CYP3A43: variants seen among roughly 807,000 people sequenced by gnomAD.
CYP3A43 encodes the protein cytochrome P450 3A43.
A neutral mutation model predicts 58.0 loss-of-function variants in CYP3A43; 45 were observed. The observed-to-expected ratio is 0.78, with a 90% CI of 0.61 to 0.99. The LOEUF (loss-of-function observed/expected upper bound fraction) is 0.99. Ranked by LOEUF, CYP3A43 falls within the 50% of genes least tolerant of loss-of-function variation. The pLI is 0.00. For synonymous variants in CYP3A43, 191 were observed against 201.4 expected (o/e 0.95, Z 0.44); for missense variants, 593 against 591.9 (o/e 1.00, Z -0.02).
At chr7:99,864,274 C>A (rs1818359656) in intron 12 of CYP3A43, among the ~76,000 whole-genome samples, 1 of 148,834 alleles carries the variant, frequency 6.7e-6, no homozygotes, top group South Asian at 2.1e-4. Flanking sequence ...TAATTTAAGG[C>A]ATTTCTGCCA....
intron 8 of CYP3A43, 40 bp from the exon 9 acceptor site, chr7:99,856,793 A>T (rs779489937): frequency 1.2e-6 from 2 of 1,611,626 alleles, no homozygotes; most frequent in Non-Finnish European, 8.5e-7. Flanking sequence ...TGACTTCACA[A>T]GTGACTTTCT....
chr7:99,835,652 G>T (rs952917742), intron 1 of CYP3A43, among the ~76,000 whole-genome samples: 4 of 152,144 alleles, frequency 2.6e-5, no homozygotes, highest in African/African-American at 9.7e-5. Context: ...GTATGTGCAG[G>T]TTTCTAACTT....
chr7:99,835,335 G>A (rs967470462), intron 1 of CYP3A43, among the ~76,000 whole-genome samples: 1 of 152,164 alleles, frequency 6.6e-6, no homozygotes, highest in African/African-American at 2.4e-5. Context: ...CTGGGCATCC[G>A]ATTTGTCATT....
Position 99,861,744 on chromosome 7 carries a change from G to A in CYP3A43, c.1158G>A (p.Val386=), listed in dbSNP as rs1818245690. 1 of 1,614,000 alleles carries A rather than the reference G, an allele frequency of 6.2e-7. No homozygotes were observed. The highest frequency in any genetic ancestry group is 8.5e-7 in the Non-Finnish European group (1 of 1,180,020). ...VCKKDIEING[V]FIPKGLAVMV... The stretch of plus-strand genomic sequence containing the variant: ...AGAAAGATATTGAAATCAATGGAGT[G>A]TTCATTCCCAAAGGGTTAGCAGTGA... The change falls in exon 11 of 13, where the codon GTG becomes GTA. Residue 386 remains valine, a synonymous_variant. Transcript: ENST00000354829.
intron 10 of CYP3A43, among the ~76,000 whole-genome samples, 169 bp from the exon 11 acceptor site, chr7:99,861,444 G>A (rs1047646612): frequency 1.3e-5 from 2 of 152,150 alleles, no homozygotes; most frequent in Admixed American, 6.6e-5. Flanking sequence ...ATGGGCCATC[G>A]AGCACATCAC....
chr7:99,851,473 T>C (rs1309594344), intron 7 of CYP3A43, among the ~76,000 whole-genome samples: 1 of 140,510 alleles, frequency 7.1e-6, no homozygotes, highest in Non-Finnish European at 1.5e-5. Flanking sequence ...GGTTTTCTCA[T>C]TTGTTTATAG....
chr7:99,860,657 A>G (rs1026110251), intron 10 of CYP3A43, among the ~76,000 whole-genome samples: 1 of 152,180 alleles, frequency 6.6e-6, no homozygotes, highest in African/African-American at 2.4e-5. Context: ...AGGAATGTTC[A>G]TCTAAGTTCA....
At chr7:99,830,731 C>T (rs1308651667) in intron 1 of CYP3A43, among the ~76,000 whole-genome samples, 2 of 152,142 alleles carry the variant, frequency 1.3e-5, no homozygotes, top group Non-Finnish European at 2.9e-5. Flanking sequence ...GCTATTTAAG[C>T]TTCAATCATC....
chr7:99,839,422 C>T (rs1014216130), intron 3 of CYP3A43: 2 of 667,632 alleles, frequency 3.0e-6, no homozygotes, highest in Admixed American at 2.0e-5. Flanking sequence ...AGACCCTAAA[C>T]TCACTATGAC....
intron 1 of CYP3A43, 36 bp from the exon 2 acceptor site, chr7:99,836,417 A>C (rs1817078873): frequency 1.3e-6 from 2 of 1,578,006 alleles, no homozygotes; most frequent in South Asian, 1.1e-5. Context: ...ATAAAGTTAC[A>C]ATTTCTGTAA....
chr7:99,832,724 GA>G (rs1016454834), intron 1 of CYP3A43, among the ~76,000 whole-genome samples: 5 of 150,382 alleles, frequency 3.3e-5, no homozygotes, highest in Non-Finnish European at 5.9e-5. Context: ...AACAAAACAA[GA>G]AAAAAAAAGT....
intron 1 of CYP3A43, among the ~76,000 whole-genome samples, chr7:99,833,324 A>AGG (rs60175649): frequency 0.042 from 6,325 of 152,160 alleles, 435 homozygotes; most frequent in African/African-American, 0.14. Context: ...ATTTCGTGGG[A>AGG]GGGGGGAGAT....
Position 99,864,737 on chromosome 7 carries a change from T to G in CYP3A43, c.1416+1038T>G, listed in dbSNP as rs1022641691. ...ACATGTTTAAGGAGTGAGTTTCAGT[T>G]GATTTGGAGTTCTTGGATACAAGTT... is the stretch of plus-strand genomic sequence containing the variant. On this transcript the variant is annotated intron_variant, in intron 12 of 12. Transcript: ENST00000354829. 1.1e-4 allele frequency among the ~76,000 whole-genome samples: 16 copies of G among 148,788 alleles called. 1 individual carries two copies. Among genetic ancestry groups the G allele is most frequent in the Non-Finnish European group, 1.9e-4 (13 of 68,022 alleles).
chr7:99,848,694 A>G (rs372088651), intron 6 of CYP3A43, among the ~76,000 whole-genome samples: 4 of 152,224 alleles, frequency 2.6e-5, no homozygotes, highest in African/African-American at 9.6e-5. Context: ...TGCTGAGGAT[A>G]CCACCAAAAT....
At chr7:99,848,138 G>A (rs554636533) in intron 5 of CYP3A43, 28 bp from the exon 6 acceptor site, 17 of 1,611,422 alleles carry the variant, frequency 1.1e-5, no homozygotes, top group Non-Finnish European at 1.4e-5. Context: ...AGTCTGCGTA[G>A]TTAACTATGG....
intron 2 of CYP3A43, chr7:99,838,702 G>A: frequency 7.8e-7 from 1 of 1,287,026 alleles, no homozygotes; most frequent in Middle Eastern, 2.1e-4. Context: ...ATTCCCAGCT[G>A]GGCGTGGTGG....
intron 10 of CYP3A43, among the ~76,000 whole-genome samples, chr7:99,861,359 C>T (rs778833371): frequency 7.2e-5 from 11 of 152,116 alleles, no homozygotes; most frequent in Non-Finnish European, 1.6e-4. Flanking sequence ...AGAAAAAACA[C>T]GAAATGGTAA....
chr7:99,838,582 G>T (rs1817186443), intron 2 of CYP3A43: 2 of 986,394 alleles, frequency 2.0e-6, no homozygotes, highest in African/African-American at 3.5e-5. Flanking sequence ...ACAGAAGTAA[G>T]TCATTCAATA....
At chr7:99,850,108 C>T in intron 7 of CYP3A43, 1 of 384,114 alleles carries the variant, frequency 2.6e-6, no homozygotes, top group Non-Finnish European at 5.1e-6. Flanking sequence ...AGGTACACAC[C>T]ACCACGCCTG....
Sources: allele counts gnomAD v4.1 joint callset (sites outside exome capture counted in the v4.1 genomes callset), GRCh38; gene constraint gnomAD v4.1.1; transcripts MANE v1.5; gene names NCBI Gene and HGNC (gene_info 2026-07-23, HGNC 2026-07-21).